Variants in AMBRA1 observed in about 807,000 individuals in gnomAD.
AMBRA1 encodes autophagy and beclin 1 regulator 1.
AMBRA1 carries 47 observed loss-of-function variants against 125.4 expected under a neutral mutation model. That is an observed-to-expected ratio of 0.37 (90% CI 0.30 to 0.48). AMBRA1 has a LOEUF of 0.48. Ranked by LOEUF, AMBRA1 falls within the 20% of genes least tolerant of loss-of-function variation. The pLI, the probability that AMBRA1 is intolerant of heterozygous loss-of-function variation, is 0.99. For synonymous variants in AMBRA1, 626 were observed against 655.5 expected (o/e 0.95, Z 0.69); for missense variants, 1,331 against 1,693.4 (o/e 0.79, Z 3.76).
intron 7 of AMBRA1, among the ~76,000 whole-genome samples, chr11:46,520,372 A>G (rs1951703840): frequency 6.6e-6 from 1 of 152,182 alleles, no homozygotes; most frequent in Non-Finnish European, 1.5e-5. Context: ...ATGTCTCAGC[A>G]TTATTATAAA....
At chr11:46,399,400 C>A (rs1189637684) in intron 17 of AMBRA1, among the ~76,000 whole-genome samples, 1 of 149,844 alleles carries the variant, frequency 6.7e-6, no homozygotes, top group Non-Finnish European at 1.5e-5. Context: ...GAGTTTTGCT[C>A]TTGTCACTCA....
intron 1 of AMBRA1, among the ~76,000 whole-genome samples, chr11:46,564,125 CA>C: frequency 1.0e-5 from 1 of 97,830 alleles, no homozygotes; most frequent in South Asian, 3.4e-4. Context: ...CTCTGGGCAA[CA>C]AGAGCAAAAC....
chr11:46,409,823 A>G (rs965339150), intron 16 of AMBRA1, among the ~76,000 whole-genome samples: 3 of 152,252 alleles, frequency 2.0e-5, no homozygotes, highest in Non-Finnish European at 4.4e-5. Flanking sequence ...TCCAGTCTTC[A>G]TTAGTGAATT....
chr11:46,494,325 A>G (rs540713932), intron 9 of AMBRA1, 121 bp from the exon 10 acceptor site: 1 of 750,096 alleles, frequency 1.3e-6, no homozygotes, highest in African/African-American at 1.7e-5. Context: ...CACATAAATT[A>G]GTCATCTGGC....
chr11:46,508,888 C>T (rs1035139851), intron 8 of AMBRA1, among the ~76,000 whole-genome samples: 1 of 152,304 alleles, frequency 6.6e-6, no homozygotes, highest in Admixed American at 6.5e-5. Context: ...CTGTCTTCTC[C>T]AACAAGTATA....
chr11:46,522,432 G>A (rs1296781422), intron 7 of AMBRA1, among the ~76,000 whole-genome samples: 2 of 152,136 alleles, frequency 1.3e-5, no homozygotes. Context: ...GACTTGGGAG[G>A]TCTGCTCACA....
intron 11 of AMBRA1, among the ~76,000 whole-genome samples, chr11:46,453,304 C>T (rs1358851044): frequency 1.3e-5 from 2 of 151,828 alleles, no homozygotes; most frequent in East Asian, 3.9e-4. Flanking sequence ...CTCATTCTAT[C>T]ACCCAGGCTG....
chr11:46,557,111 G>A (rs1368154597), intron 1 of AMBRA1, among the ~76,000 whole-genome samples: 1 of 151,354 alleles, frequency 6.6e-6, no homozygotes, highest in Non-Finnish European at 1.5e-5. Context: ...ACTCCAGCCT[G>A]GGCAACAAGA....
chr11:46,583,185 G>C (rs1217161391), intron 1 of AMBRA1, among the ~76,000 whole-genome samples: 1 of 152,060 alleles, frequency 6.6e-6, no homozygotes, highest in East Asian at 1.9e-4. Context: ...AGAGCCCTCA[G>C]AAATAATGCC....
chr11:46,424,916 C>A (rs533012759), intron 14 of AMBRA1, among the ~76,000 whole-genome samples: 13 of 152,224 alleles, frequency 8.5e-5, no homozygotes, highest in Admixed American at 1.3e-4. Context: ...GTGGGTGAAT[C>A]ACGAGGTCAG....
At chr11:46,593,081 C>T (rs2044665150) in intron 1 of AMBRA1, among the ~76,000 whole-genome samples, 2 of 152,184 alleles carry the variant, frequency 1.3e-5, no homozygotes, top group African/African-American at 4.8e-5. Flanking sequence ...ATGATACAGA[C>T]TTTGAAAAGC....
chr11:46,520,611 T>C (rs1951714625), intron 7 of AMBRA1, among the ~76,000 whole-genome samples: 1 of 151,444 alleles, frequency 6.6e-6, no homozygotes. Flanking sequence ...TTTTTTTTTT[T>C]TTGAGACGGA....
chr11:46,531,071 T>C (rs1206725141), intron 7 of AMBRA1, among the ~76,000 whole-genome samples: 1 of 152,058 alleles, frequency 6.6e-6, no homozygotes, highest in Non-Finnish European at 1.5e-5. Context: ...TTAGTGGAGA[T>C]GTGGTTTTGA....
At chr11:46,522,039 T>A (rs1400859455) in intron 7 of AMBRA1, among the ~76,000 whole-genome samples, 1 of 152,200 alleles carries the variant, frequency 6.6e-6, no homozygotes, top group Admixed American at 6.5e-5. Context: ...GAGCGATAGA[T>A]GGCAAAACAT....
intron 1 of AMBRA1, among the ~76,000 whole-genome samples, chr11:46,585,684 AAAAAAAAAAAAATAT>A (rs1325869603): frequency 4.8e-5 from 3 of 62,704 alleles, no homozygotes; most frequent in East Asian, 5.0e-4. Flanking sequence ...AAAAAAAAAA[AAAAAAAAAAAAATAT>A]ATATATATAT....
At position 46,593,882 on chromosome 11, in the gene AMBRA1, G is replaced by A; in HGVS notation, c.-175C>T. 2.5e-6 allele frequency: 1 copy of A among 398,202 alleles called. No homozygotes were observed. Among genetic ancestry groups the A allele is most frequent in the Non-Finnish European group, 4.4e-6 (1 of 226,034 alleles). 24.7% of individuals were successfully genotyped at this position (398,202 alleles called of 1,614,324 possible). A position where few individuals can be genotyped will look rare whatever the true frequency, so the allele number is the denominator to read the frequency against. ...GTCCAGCGAACGGGCTGAGCCACAGGGAAAAAGAAAGAGGAGACAGGAATA... is the reference window on the plus strand; with the variant it reads ...GTCCAGCGAACGGGCTGAGCCACAGAGAAAAAGAAAGAGGAGACAGGAATA... On this transcript the variant is annotated 5_prime_UTR_variant, in exon 1 of 18. Coordinates refer to ENST00000683756, the MANE Select transcript of AMBRA1 (RefSeq NM_001387011.1).
chr11:46,559,078 T>C (rs1400912149), intron 1 of AMBRA1, among the ~76,000 whole-genome samples: 1 of 152,048 alleles, frequency 6.6e-6, no homozygotes, highest in Non-Finnish European at 1.5e-5. Context: ...GTCGGGTGGA[T>C]CACCTGAGGT....
chr11:46,460,169 G>A (rs190825158), intron 11 of AMBRA1, among the ~76,000 whole-genome samples: 2 of 152,182 alleles, frequency 1.3e-5, no homozygotes, highest in African/African-American at 2.4e-5. Context: ...TTCATCAATC[G>A]GGAACAGACA....
intron 16 of AMBRA1, 41 bp from the exon 17 acceptor site, chr11:46,408,747 G>A: frequency 6.7e-7 from 1 of 1,481,642 alleles, no homozygotes; most frequent in Non-Finnish European, 9.0e-7. Context: ...TGGGGCTTGG[G>A]ACAGCACCCC....
Sources: allele counts gnomAD v4.1 joint callset (sites outside exome capture counted in the v4.1 genomes callset), GRCh38; gene constraint gnomAD v4.1.1; transcripts MANE v1.5; gene names NCBI Gene and HGNC (gene_info 2026-07-23, HGNC 2026-07-21).